Variants in MID1 observed in about 807,000 individuals in gnomAD.
The protein encoded by MID1 is midline 1, also known as E3 ubiquitin-protein ligase Midline-1.
A neutral mutation model predicts 40.4 loss-of-function variants in MID1; 7 were observed. The ratio of observed to expected loss-of-function variants is 0.17; its 90% confidence interval spans 0.10 to 0.33. MID1 has a LOEUF of 0.33. Among genes scored for constraint, MID1 ranks in the 10% least tolerant of loss-of-function variants. The pLI is 1.00. For synonymous variants in MID1, 229 were observed against 221.2 expected, an observed-to-expected ratio of 1.04 and a Z score of -0.31; for missense variants, 367 against 558.5, an observed-to-expected ratio of 0.66 and a Z score of 3.46.
At chrX:10,630,281 A>G (rs1168864058) in intron 1 of MID1, among the ~76,000 whole-genome samples, 1 of 111,579 alleles carries the variant, frequency 9.0e-6, no homozygotes, top group Non-Finnish European at 1.9e-5. Flanking sequence ...AGGAGTGTCA[A>G]TGGGATGAGG....
At chrX:10,531,753 T>C (rs1208062986) in intron 2 of MID1, among the ~76,000 whole-genome samples, 2 of 112,040 alleles carry the variant, frequency 1.8e-5, no homozygotes, top group Non-Finnish European at 3.8e-5. Flanking sequence ...TTCTATTCAT[T>C]TAGTTATAAT....
intron 1 of MID1, among the ~76,000 whole-genome samples, chrX:10,618,547 T>C (rs1935878442): frequency 1.8e-5 from 2 of 111,987 alleles, no homozygotes; most frequent in Admixed American, 9.5e-5. Flanking sequence ...AAAAAATTAG[T>C]AGACATACGT....
At chrX:10,512,469 G>A (rs925232608) in intron 3 of MID1, among the ~76,000 whole-genome samples, 2 of 112,871 alleles carry the variant, frequency 1.8e-5, no homozygotes, top group African/African-American at 6.4e-5. Context: ...TTTGAATGAT[G>A]TTTATGTCAA....
chrX:10,633,953 C>G (rs1323658546), intron 1 of MID1, among the ~76,000 whole-genome samples: 3 of 110,655 alleles, frequency 2.7e-5, no homozygotes, highest in Non-Finnish European at 5.7e-5. Context: ...CCCCCATTTC[C>G]CCCTCCCCTA....
intron 2 of MID1, among the ~76,000 whole-genome samples, chrX:10,564,978 CT>C (rs1196863517): frequency 1.1e-5 from 1 of 95,125 alleles, no homozygotes; most frequent in Non-Finnish European, 2.1e-5. Flanking sequence ...CTCCCTTCAG[CT>C]CCACCACCAA....
At chrX:10,784,751 G>A (rs2043869999) in intron 1 of MID1, among the ~76,000 whole-genome samples, 1 of 110,674 alleles carries the variant, frequency 9.0e-6, no homozygotes, top group South Asian at 3.9e-4. Flanking sequence ...TGGCCTACGA[G>A]TTGTATTTTC....
chrX:10,613,912 C>T (rs1355461914), intron 1 of MID1, among the ~76,000 whole-genome samples: 1 of 106,833 alleles, frequency 9.4e-6, no homozygotes, highest in Non-Finnish European at 1.9e-5. Context: ...TGCTGTTTCC[C>T]GGACCTTTCT....
chrX:10,779,373 G>A (rs1291367426), intron 1 of MID1, among the ~76,000 whole-genome samples: 2 of 111,175 alleles, frequency 1.8e-5, no homozygotes, highest in Admixed American at 9.6e-5. Context: ...AGGTCTCCCC[G>A]TGTTGTCCAG....
At chrX:10,666,599 C>T (rs1188484488) in intron 1 of MID1, among the ~76,000 whole-genome samples, 1 of 111,066 alleles carries the variant, frequency 9.0e-6, no homozygotes, top group Non-Finnish European at 1.9e-5. Flanking sequence ...GAAATCTGGC[C>T]ATTCAAATGA....
chrX:10,497,123 A>G (rs770651027), intron 3 of MID1, among the ~76,000 whole-genome samples: 14 of 112,267 alleles, frequency 1.2e-4, no homozygotes, highest in Non-Finnish European at 2.6e-4. Flanking sequence ...AGCTATTGAC[A>G]TATTTACTTG....
chrX:10,576,099 CTTCT>C (rs1316288405), intron 1 of MID1, among the ~76,000 whole-genome samples: 4 of 107,030 alleles, frequency 3.7e-5, no homozygotes, highest in East Asian at 5.7e-4. Context: ...CTTGACATTT[CTTCT>C]TTAAGAAGTG....
chrX:10,515,166 AC>A (rs769804718), intron 3 of MID1, among the ~76,000 whole-genome samples: 1 of 112,330 alleles, frequency 8.9e-6, no homozygotes, highest in East Asian at 2.8e-4. Context: ...AAACTGCACA[AC>A]AAAATTAAAC....
At chrX:10,788,430 A>G (rs942595307) in intron 1 of MID1, among the ~76,000 whole-genome samples, 3 of 111,685 alleles carry the variant, frequency 2.7e-5, no homozygotes, top group Non-Finnish European at 3.8e-5. Context: ...TGATCTCCTA[A>G]TATGTTGCTT....
At chrX:10,569,103 G>A (rs115492580) in intron 1 of MID1, among the ~76,000 whole-genome samples, 21 of 111,930 alleles carry the variant, frequency 1.9e-4, no homozygotes, top group African/African-American at 6.5e-4. Flanking sequence ...CAAAATTCAC[G>A]GTTTCTAGAA....
rs192821330 is a variant in MID1, at chrX:10,768,009, A to G, written c.-187+65545T>C. ...TGAATGGTTAAACAGAAAACTGAAT[A>G]TATTGACTTTATAAATGTACACTAA... On this transcript the variant is annotated intron_variant, in intron 1 of 10. Coordinates refer to the MID1 transcript ENST00000380785. 3.9e-3 allele frequency among the ~76,000 whole-genome samples: 442 copies of G among 112,041 alleles called. 5 individuals are homozygous for G. Among genetic ancestry groups the G allele is most frequent in the African/African-American group, 0.014 (422 of 30,944 alleles).
chrX:10,808,617 T>A (rs908188560), intron 1 of MID1, among the ~76,000 whole-genome samples: 45 of 110,595 alleles, frequency 4.1e-4, no homozygotes, highest in Non-Finnish European at 7.0e-4. Context: ...TAGGAAACCA[T>A]CCTCTAAGAG....
intron 1 of MID1, among the ~76,000 whole-genome samples, chrX:10,585,642 AG>A (rs200129668): frequency 0.016 from 1,796 of 111,091 alleles, 24 homozygotes; most frequent in African/African-American, 0.049. Context: ...GTGAGGATTA[AG>A]GGGGTTGGTT....
intron 7 of MID1, among the ~76,000 whole-genome samples, chrX:10,463,416 A>ATATC (rs1929166230): frequency 8.9e-6 from 1 of 111,908 alleles, no homozygotes; most frequent in African/African-American, 3.2e-5. Flanking sequence ...TTTGAGCATT[A>ATATC]TATCTTCTCA....
chrX:10,512,508 G>C (rs1385596830), intron 3 of MID1, among the ~76,000 whole-genome samples: 2 of 112,837 alleles, frequency 1.8e-5, no homozygotes, highest in Non-Finnish European at 3.7e-5. Flanking sequence ...AAATCAGGAA[G>C]TGACAGTAAG....
Sources: gnomAD v4.1 joint callset for allele counts (sites outside exome capture counted in the v4.1 genomes callset) on GRCh38, gnomAD v4.1.1 for gene constraint, MANE v1.5 for transcripts, NCBI Gene and HGNC (gene_info 2026-07-23, HGNC 2026-07-21) for gene names.